CRY1: variants seen among roughly 807,000 people sequenced by gnomAD.
CRY1 encodes cryptochrome-1.
CRY1 carries 45 observed loss-of-function variants against 76.0 expected under a neutral mutation model. That is an observed-to-expected ratio of 0.59 (90% confidence interval 0.47 to 0.76). The LOEUF is 0.76. CRY1 is among the 30% of genes least tolerant of loss of function. The pLI, the probability that CRY1 is intolerant of heterozygous loss-of-function variation, is 0.00. For synonymous variants in CRY1, 248 were observed against 244.0 expected, an observed-to-expected ratio of 1.02 and a Z score of -0.15; for missense variants, 587 against 716.4, an observed-to-expected ratio of 0.82 and a Z score of 2.06.
At chr12:107,029,394 C>A (rs1952652004) in intron 1 of CRY1, among the ~76,000 whole-genome samples, 1 of 151,920 alleles carries the variant, frequency 6.6e-6, no homozygotes, top group Non-Finnish European at 1.5e-5. Context: ...GAGTTTGAGA[C>A]CAGCCTGAGC....
rs869185018 is a variant in CRY1, at chr12:107,009,563, C to CATATATATATATATAT, written c.268-4331_268-4316dup. On this transcript the variant is annotated intron_variant, in intron 2 of 12. Transcript: ENST00000008527. Reference sequence around the variant, plus strand: ...CAGAAAAAACAAAAAAACAAAAAAACATATATATATATATATATATATATA... The same window carrying CATATATATATATATAT: ...CAGAAAAAACAAAAAAACAAAAAAACATATATATATATATATATATATATATATATATATATATATA... Among the ~76,000 whole-genome samples, 219 of 90,776 alleles carry CATATATATATATATAT rather than the reference C, an allele frequency of 2.4e-3. 1 individual carries two copies. Among genetic ancestry groups the CATATATATATATATAT allele is most frequent in the Middle Eastern group, 6.2e-3 (1 of 162 alleles). 59.6% of individuals were successfully genotyped at this position (90,776 alleles called of 152,430 possible).
chr12:107,071,131 ATTAG>A (rs1172985117), intron 1 of CRY1, among the ~76,000 whole-genome samples: 1 of 152,120 alleles, frequency 6.6e-6, no homozygotes, highest in Middle Eastern at 3.2e-3. Flanking sequence ...TTTATACTGC[ATTAG>A]TTAGTACCTC....
intron 10 of CRY1, among the ~76,000 whole-genome samples, chr12:106,994,585 T>C (rs147454291): frequency 2.0e-5 from 3 of 152,352 alleles, no homozygotes; most frequent in African/African-American, 7.2e-5. Context: ...CAAGATTTAT[T>C]AATTCTTCTA....
intron 1 of CRY1, among the ~76,000 whole-genome samples, chr12:107,045,298 G>T (rs981812598): frequency 6.6e-6 from 1 of 152,102 alleles, no homozygotes; most frequent in Non-Finnish European, 1.5e-5. Context: ...AAACAAGGGA[G>T]AAATAAAATC....
intron 2 of CRY1, among the ~76,000 whole-genome samples, chr12:107,014,101 T>C (rs1417707768): frequency 6.6e-6 from 1 of 152,038 alleles, no homozygotes; most frequent in African/African-American, 2.4e-5. Context: ...TCATGGCTCA[T>C]TGGATGGAGC....
intron 1 of CRY1, among the ~76,000 whole-genome samples, chr12:107,030,455 G>C (rs577426418): frequency 1.3e-5 from 2 of 152,058 alleles, no homozygotes; most frequent in Non-Finnish European, 2.9e-5. Context: ...AGATGTTTTA[G>C]GAAAATTAAT....
chr12:107,002,288 A>C (rs1952321378), intron 3 of CRY1, among the ~76,000 whole-genome samples: 1 of 152,236 alleles, frequency 6.6e-6, no homozygotes, highest in Non-Finnish European at 1.5e-5. Context: ...GTTAATACAC[A>C]CAGACATATG....
At chr12:107,046,586 G>T (rs1440811694) in intron 1 of CRY1, among the ~76,000 whole-genome samples, 1 of 152,124 alleles carries the variant, frequency 6.6e-6, no homozygotes, top group Non-Finnish European at 1.5e-5. Flanking sequence ...AAAAGCTACA[G>T]AGTAGCCAAA....
chr12:107,075,350 C>A (rs1953239575), intron 1 of CRY1, among the ~76,000 whole-genome samples: 1 of 151,870 alleles, frequency 6.6e-6, no homozygotes, highest in South Asian at 2.1e-4. Flanking sequence ...GAAAATGAAA[C>A]TGAATGCTTC....
chr12:107,080,294 C>G (rs1033878184), intron 1 of CRY1, among the ~76,000 whole-genome samples: 1 of 152,094 alleles, frequency 6.6e-6, no homozygotes, highest in Admixed American at 6.6e-5. Context: ...TTTGGACAAG[C>G]TGAGTTTGAG....
chr12:107,007,237 A>T (rs1952385802), intron 2 of CRY1, among the ~76,000 whole-genome samples: 1 of 152,246 alleles, frequency 6.6e-6, no homozygotes, highest in Non-Finnish European at 1.5e-5. Context: ...GTTTAAAAAC[A>T]CAGGATCTAA....
At chr12:107,079,655 T>C (rs1028500180) in intron 1 of CRY1, among the ~76,000 whole-genome samples, 2 of 152,136 alleles carry the variant, frequency 1.3e-5, no homozygotes, top group Admixed American at 1.3e-4. Context: ...TAAGCTATTC[T>C]TTCAGTCTGG....
chr12:106,993,910 T>C (rs182421838), intron 10 of CRY1, among the ~76,000 whole-genome samples: 32 of 152,276 alleles, frequency 2.1e-4, no homozygotes, highest in South Asian at 1.2e-3. Flanking sequence ...GTCTGTTTTA[T>C]TATAAGAACA....
At chr12:107,049,499 T>C (rs925804072) in intron 1 of CRY1, among the ~76,000 whole-genome samples, 3 of 152,044 alleles carry the variant, frequency 2.0e-5, no homozygotes, top group Admixed American at 2.0e-4. Flanking sequence ...CTCAGCCTCC[T>C]GAGTAGCTGG....
chr12:107,033,002 C>T (rs987664335), intron 1 of CRY1, among the ~76,000 whole-genome samples: 9 of 151,378 alleles, frequency 5.9e-5, no homozygotes, highest in Middle Eastern at 3.4e-3. Flanking sequence ...ATATAAATGT[C>T]CGACAAGAAT....
rs1952536235 is a variant in CRY1, at chr12:107,019,962, T to C, written c.267+2122A>G. 2.0e-5 allele frequency among the ~76,000 whole-genome samples: 3 copies of C among 152,160 alleles called. No individual in the cohort carries two copies. The South Asian group carries it at 6.2e-4, about 32-fold the overall frequency. ...AAAAGGCAACTCCACTTAGGATTCATTTTATTTATATCAAACAGATTTAGA... is the reference window on the plus strand; with the variant it reads ...AAAAGGCAACTCCACTTAGGATTCACTTTATTTATATCAAACAGATTTAGA... On this transcript the variant is annotated intron_variant, in intron 2 of 12. Transcript: ENST00000008527.
rs1426594761 is a variant in CRY1, at chr12:107,093,256, A to C, written c.-295T>G. The stretch of plus-strand genomic sequence containing the variant: ...CGACGCATAACTTCGAGGGCCTCGG[A>C]CCTCCGGAGCCTGAGCAAGTTCCAG... On this transcript the variant is annotated 5_prime_UTR_variant, in exon 1 of 13. Coordinates refer to ENST00000008527, the MANE Select transcript of CRY1 (RefSeq NM_004075.5). 14 of 337,434 alleles carry C rather than the reference A, an allele frequency of 4.1e-5. No individual in the cohort carries two copies. Among genetic ancestry groups the C allele is most frequent in the African/African-American group, 1.7e-4 (8 of 46,744 alleles). 20.9% of individuals were successfully genotyped at this position (337,434 alleles called of 1,614,324 possible).
chr12:107,061,222 G>T (rs1003887889), intron 1 of CRY1, among the ~76,000 whole-genome samples: 1 of 151,688 alleles, frequency 6.6e-6, no homozygotes, highest in Non-Finnish European at 1.5e-5. Flanking sequence ...AACAATGATC[G>T]TTTTCTACCA....
chr12:107,053,908 G>A (rs1952952363), intron 1 of CRY1, among the ~76,000 whole-genome samples: 1 of 152,128 alleles, frequency 6.6e-6, no homozygotes, highest in Admixed American at 6.5e-5. Flanking sequence ...ATCCCCAACA[G>A]GCTCAGAGAA....
Sources: allele counts gnomAD v4.1 joint callset (sites outside exome capture counted in the v4.1 genomes callset), GRCh38; gene constraint gnomAD v4.1.1; transcripts MANE v1.5; gene names NCBI Gene and HGNC (gene_info 2026-07-23, HGNC 2026-07-21).